The following POFUT3 variants were observed in gnomAD, a reference collection of about 807,000 sequenced individuals.
POFUT3 encodes the protein GDP-fucose protein O-fucosyltransferase 3.
chr8:33,427,282 C>CA, the POFUT3 span, among the ~76,000 whole-genome samples: 1 of 148,488 alleles, frequency 6.7e-6, no homozygotes, highest in African/African-American at 2.6e-5. Context: ...CTCTTAAAAA[C>CA]AAAAACAAAA....
the POFUT3 span, chr8:33,453,512 T>G: frequency 6.3e-7 from 1 of 1,589,164 alleles, no homozygotes; most frequent in Non-Finnish European, 8.6e-7. Flanking sequence ...AACCATGACC[T>G]AAAAGAGAAG....
chr8:33,319,304 A>G, the POFUT3 span, among the ~76,000 whole-genome samples: 5 of 81,116 alleles, frequency 6.2e-5, no homozygotes, highest in African/African-American at 2.8e-4. Context: ...TTTATATAAT[A>G]TGTAAATATA....
chr8:33,352,774 A>T, the POFUT3 span, among the ~76,000 whole-genome samples: 1 of 152,224 alleles, frequency 6.6e-6, no homozygotes, highest in African/African-American at 2.4e-5. Context: ...CTCACTTTGA[A>T]TGTCGGGACT....
At chr8:33,355,485 A>T in the POFUT3 span, among the ~76,000 whole-genome samples, 7 of 152,144 alleles carry the variant, frequency 4.6e-5, no homozygotes, top group African/African-American at 1.7e-4. Flanking sequence ...ATGTTTTACC[A>T]GCTACCTAGG....
the POFUT3 span, among the ~76,000 whole-genome samples, chr8:33,464,943 T>C: frequency 6.6e-6 from 1 of 152,308 alleles, no homozygotes; most frequent in Non-Finnish European, 1.5e-5. Context: ...ACCTGTAAAG[T>C]ACCTTTGCTC....
chr8:33,453,517 G>C, the POFUT3 span: 1 of 1,585,000 alleles, frequency 6.3e-7, no homozygotes, highest in East Asian at 2.2e-5. Flanking sequence ...TGACCTAAAA[G>C]AGAAGACAAT....
the POFUT3 span, among the ~76,000 whole-genome samples, chr8:33,415,419 C>A: frequency 1.3e-5 from 2 of 152,036 alleles, no homozygotes; most frequent in Non-Finnish European, 2.9e-5. Context: ...CCAAGAGAAC[C>A]CAGGGGACAC....
At chr8:33,372,567 AT>A in the POFUT3 span, 3 of 1,611,552 alleles carry the variant, frequency 1.9e-6, no homozygotes, top group Non-Finnish European at 1.7e-6. Context: ...CATTCTGATC[AT>A]TTTTGAAATC....
chr8:33,381,737 G>C, the POFUT3 span, among the ~76,000 whole-genome samples: 1 of 152,130 alleles, frequency 6.6e-6, no homozygotes, highest in South Asian at 2.1e-4. Context: ...ATACTGTGGC[G>C]GTAGTACTAA....
chr8:33,406,060 A>C, the POFUT3 span, among the ~76,000 whole-genome samples: 1 of 152,212 alleles, frequency 6.6e-6, no homozygotes, highest in Admixed American at 6.5e-5. Context: ...AGATAGAGAA[A>C]TAATCGCACA....
the POFUT3 span, chr8:33,473,143 A>C: frequency 1.3e-5 from 2 of 152,264 alleles, no homozygotes; most frequent in Non-Finnish European, 2.9e-5. Context: ...GGCGCCGGGA[A>C]GACCCGAAGA....
chr8:33,436,328 A>T, the POFUT3 span: 1 of 1,333,152 alleles, frequency 7.5e-7, no homozygotes, highest in Non-Finnish European at 1.1e-6. Flanking sequence ...TCTCCACTGC[A>T]TCCTCTGCCC....
the POFUT3 span, among the ~76,000 whole-genome samples, chr8:33,380,078 C>A: frequency 4.2e-4 from 20 of 48,132 alleles, no homozygotes; most frequent in African/African-American, 2.7e-3. Flanking sequence ...TATATATACA[C>A]TATATATACT....
the POFUT3 span, chr8:33,389,130 C>A: frequency 6.2e-7 from 1 of 1,614,162 alleles, no homozygotes; most frequent in South Asian, 1.1e-5. Flanking sequence ...TCTACATAGG[C>A]CTCATACAAT....
the POFUT3 span, among the ~76,000 whole-genome samples, chr8:33,380,050 C>T: frequency 0.099 from 4,780 of 48,372 alleles, 608 homozygotes; most frequent in East Asian, 0.31. Context: ...GATATATATA[C>T]ACTATATATA....
At chr8:33,349,530 G>A in the POFUT3 span, among the ~76,000 whole-genome samples, 1 of 152,008 alleles carries the variant, frequency 6.6e-6, no homozygotes, top group East Asian at 1.9e-4. Context: ...GAGAACATAC[G>A]ATGTTTGGTT....
the POFUT3 span, among the ~76,000 whole-genome samples, chr8:33,460,461 A>T: frequency 1.3e-5 from 2 of 152,270 alleles, no homozygotes; most frequent in South Asian, 4.1e-4. Flanking sequence ...TCATTCATCC[A>T]TACACAGTCC....
At chr8:33,472,804 G>C in the POFUT3 span, among the ~76,000 whole-genome samples, 89 of 152,338 alleles carry the variant, frequency 5.8e-4, no homozygotes, top group African/African-American at 1.9e-3. Flanking sequence ...TGGTGGATCA[G>C]GCTTCAATCT....
the POFUT3 span, among the ~76,000 whole-genome samples, chr8:33,467,578 C>A: frequency 1.3e-5 from 2 of 152,142 alleles, no homozygotes; most frequent in Non-Finnish European, 2.9e-5. Flanking sequence ...AGGAGCTGAG[C>A]TTCTAAAGTG....
Sources: allele counts gnomAD v4.1 joint callset (sites outside exome capture counted in the v4.1 genomes callset), GRCh38; gene constraint gnomAD v4.1.1; transcripts MANE v1.5; gene names NCBI Gene and HGNC (gene_info 2026-07-23, HGNC 2026-07-21).